The following TSPAN13 variants were observed in gnomAD, a reference collection of about 807,000 sequenced individuals.
TSPAN13 encodes tetraspanin-13.
Under a neutral mutation model 26.9 loss-of-function variants are expected in TSPAN13, and 18 were observed. The ratio of observed to expected loss-of-function variants is 0.67; its 90% CI spans 0.46 to 0.99. The LOEUF (loss-of-function observed/expected upper bound fraction) is 0.99, where lower values mean the gene tolerates loss of function less well. Ranked by LOEUF, TSPAN13 falls within the 50% of genes least tolerant of loss-of-function variation. The pLI is 0.00. For missense variants in TSPAN13, 201 were observed against 249.6 expected, an observed-to-expected ratio of 0.81 and a Z score of 1.31; for synonymous variants, 116 against 98.4, an observed-to-expected ratio of 1.18 and a Z score of -1.06.
At position 16,777,896 on chromosome 7, in the gene TSPAN13, T is replaced by A; in HGVS notation, c.411T>A (p.Asn137Lys). The A allele has an allele frequency of 6.2e-7, 1 of 1,612,776 alleles. No homozygotes were observed. Among genetic ancestry groups the A allele is most frequent in the Non-Finnish European group, 8.5e-7 (1 of 1,179,058 alleles). ...NCCGFRSVNP[N>K]DTCLASCVKS... Reference sequence around the variant, plus strand: ...GTGGGTTCCGAAGTGTTAACCCAAATGACACCTGTCTGGCTGTAAGTACAT... The same window carrying A: ...GTGGGTTCCGAAGTGTTAACCCAAAAGACACCTGTCTGGCTGTAAGTACAT... The change falls in exon 4 of 6, where the codon AAT becomes AAA. Residue 137 changes from asparagine (N) to lysine (K), a missense_variant. Transcript: ENST00000262067.
chr7:16,781,436 C>T (rs932259622), intron 5 of TSPAN13, among the ~76,000 whole-genome samples: 8 of 152,160 alleles, frequency 5.3e-5, no homozygotes, highest in African/African-American at 1.9e-4. Context: ...ATCAAAGTTA[C>T]CTTTGAAAAG....
rs1218047355 is a variant in TSPAN13, at chr7:16,777,928, A to C, written c.426+17A>C. ...TGTCTGGCTGTAAGTACATTGTATA[A>C]TATATGTTTTTGGAAATGTATTACA... On this transcript the variant is annotated intron_variant, in intron 4 of 5. Transcript: ENST00000262067. 2 of 1,574,334 alleles carry C rather than the reference A, an allele frequency of 1.3e-6. No homozygotes were observed. Among genetic ancestry groups the C allele is most frequent in the Admixed American group, 1.8e-5 (1 of 56,964 alleles).
At chr7:16,783,293 T>C in intron 5 of TSPAN13, 124 bp from the exon 6 acceptor site, 2 of 920,140 alleles carry the variant, frequency 2.2e-6, no homozygotes, top group Non-Finnish European at 1.6e-6. Context: ...AAAAAATCTC[T>C]CCCCGTTGAA....
intron 1 of TSPAN13, among the ~76,000 whole-genome samples, chr7:16,761,836 C>T (rs1252459277): frequency 1.3e-5 from 2 of 151,540 alleles, no homozygotes; most frequent in East Asian, 1.9e-4. Context: ...AACCTGCCTA[C>T]CTTTATTTTC....
At chr7:16,777,958 A>G (rs568202856) in intron 4 of TSPAN13, 47 bp downstream of exon 4, 45 of 1,339,932 alleles carry the variant, frequency 3.4e-5, no homozygotes, top group Non-Finnish European at 4.6e-5. Context: ...ATTACAGATA[A>G]ATAATGATTA....
intron 1 of TSPAN13, among the ~76,000 whole-genome samples, chr7:16,774,683 G>A (rs1784720156): frequency 1.3e-5 from 2 of 152,190 alleles, no homozygotes; most frequent in Non-Finnish European, 2.9e-5. Flanking sequence ...GAATTTCTGA[G>A]TGGCAAAATT....
rs982398603 is a variant in TSPAN13 at position 16,779,687 on chromosome 7, T to C, written c.540+571T>C. Among the ~76,000 whole-genome samples the C allele has an allele frequency of 3.9e-5, 6 of 152,006 alleles. No homozygotes were observed. In the East Asian group the frequency reaches 1.2e-3, roughly 29 times the overall value. ...GTATTTATCATATATTTTATTCAAG[T>C]TCAGTTTCTTTTTTTCTCATCAAGA... On this transcript the variant is annotated intron_variant, in intron 5 of 5. Coordinates refer to ENST00000262067, the MANE Select transcript of TSPAN13 (RefSeq NM_014399.4).
At chr7:16,754,066 G>A in intron 1 of TSPAN13, 36 bp downstream of exon 1, 1 of 1,603,316 alleles carries the variant, frequency 6.2e-7, no homozygotes, top group Non-Finnish European at 8.5e-7. Context: ...TCGCTTGGGG[G>A]CTTTGCACCT....
chr7:16,760,503 A>G (rs1422413265), intron 1 of TSPAN13, among the ~76,000 whole-genome samples: 1 of 152,200 alleles, frequency 6.6e-6, no homozygotes, highest in Non-Finnish European at 1.5e-5. Context: ...GGGATGAATG[A>G]GAGGATTCAG....
At chr7:16,768,548 C>T (rs1430506867) in intron 1 of TSPAN13, among the ~76,000 whole-genome samples, 1 of 152,198 alleles carries the variant, frequency 6.6e-6, no homozygotes, top group African/African-American at 2.4e-5. Flanking sequence ...ATAATACTTT[C>T]TTAAACAGAG....
At chr7:16,782,095 G>A (rs574986045) in intron 5 of TSPAN13, among the ~76,000 whole-genome samples, 2 of 152,242 alleles carry the variant, frequency 1.3e-5, no homozygotes, top group Admixed American at 1.3e-4. Context: ...CTATTGGGGG[G>A]ATTATATGAA....
rs115354470 is a variant in TSPAN13, at chr7:16,771,685, T to C, written c.64-4526T>C. 5.4e-3 allele frequency among the ~76,000 whole-genome samples: 825 copies of C among 152,220 alleles called. 11 individuals are homozygous for C. Among genetic ancestry groups the C allele is most frequent in the African/African-American group, 0.019 (769 of 41,538 alleles). ...ATTCTCCCTCTGGAGCTTTCAGGAG[T>C]ACAACCTGACCAACACAGCCTCCAG... On this transcript the variant is annotated intron_variant, in intron 1 of 5. Coordinates refer to ENST00000262067, the MANE Select transcript of TSPAN13 (RefSeq NM_014399.4).
intron 1 of TSPAN13, among the ~76,000 whole-genome samples, chr7:16,762,327 A>G (rs2115324173): frequency 6.6e-6 from 1 of 152,254 alleles, no homozygotes; most frequent in South Asian, 2.1e-4. Flanking sequence ...AATGCTTCAC[A>G]CTCTTAGCCA....
chr7:16,762,940 T>C (rs1005325392), intron 1 of TSPAN13, among the ~76,000 whole-genome samples: 2 of 152,184 alleles, frequency 1.3e-5, no homozygotes, highest in Non-Finnish European at 2.9e-5. Context: ...TTTTATAAGT[T>C]TGGGCATATG....
At chr7:16,768,265 T>C (rs706059) in intron 1 of TSPAN13, among the ~76,000 whole-genome samples, 92,933 of 152,104 alleles carry the variant, frequency 0.61, 30,315 homozygotes, top group African/African-American at 0.85. Context: ...TAGTCCTAGG[T>C]GTCTCTCACA....
chr7:16,760,309 G>C (rs1485897695), intron 1 of TSPAN13, among the ~76,000 whole-genome samples: 1 of 152,164 alleles, frequency 6.6e-6, no homozygotes, highest in African/African-American at 2.4e-5. Context: ...TGGAGGCTTG[G>C]ATTAGTATGG....
At chr7:16,776,976 C>A in intron 2 of TSPAN13, 66 bp from the exon 3 acceptor site, 5 of 1,110,954 alleles carry the variant, frequency 4.5e-6, no homozygotes, top group Non-Finnish European at 6.7e-6. Context: ...GTTGTCAGTA[C>A]CTCTGTACCT....
chr7:16,781,362 A>T (rs1008124900), intron 5 of TSPAN13, among the ~76,000 whole-genome samples: 1 of 152,208 alleles, frequency 6.6e-6, no homozygotes, highest in Non-Finnish European at 1.5e-5. Context: ...TATGAGCAAT[A>T]TATTTTGGTG....
chr7:16,783,122 C>T (rs1309046366), intron 5 of TSPAN13, among the ~76,000 whole-genome samples: 12 of 152,162 alleles, frequency 7.9e-5, no homozygotes. Flanking sequence ...AGACCCTTAA[C>T]CACACCCGCA....
Sources: gnomAD v4.1 joint callset for allele counts (sites outside exome capture counted in the v4.1 genomes callset) on GRCh38, gnomAD v4.1.1 for gene constraint, MANE v1.5 for transcripts, NCBI Gene and HGNC (gene_info 2026-07-23, HGNC 2026-07-21) for gene names.